Variants in JAK2 observed in about 807,000 individuals in gnomAD.
JAK2 encodes the protein Janus kinase 2.
A neutral mutation model predicts 139.3 loss-of-function variants in JAK2; 86 were observed. That is an observed-to-expected ratio of 0.62 (90% CI 0.52 to 0.74). The LOEUF (loss-of-function observed/expected upper bound fraction) is 0.74, where lower values mean the gene tolerates loss of function less well. Ranked by LOEUF, JAK2 falls within the 30% of genes least tolerant of loss-of-function variation. The probability of loss-of-function intolerance (pLI) is 0.00; values close to 1 mark genes in which losing one functional copy is unlikely to be tolerated. For missense variants in JAK2, 1,421 were observed against 1,360.3 expected (o/e 1.04, Z -0.70); for synonymous variants, 490 against 437.7 (o/e 1.12, Z -1.49).
At position 5,069,136 on chromosome 9, in the gene JAK2, T is replaced by C; in HGVS notation, c.1441T>C (p.Tyr481His). Residue 481 changes from tyrosine (Y) to histidine (H), a missense_variant, in exon 11 of 25, where the codon TAC (tyrosine) becomes CAC (histidine). Transcript: ENST00000381652. ...FSSLKDLLNC[Y>H]QMETVRSDNI... ...CAGTCTTAAAGATCTTTTGAATTGTTACCAGATGGAAACTGTTCGCTCAGA... is the reference window on the plus strand; with the variant it reads ...CAGTCTTAAAGATCTTTTGAATTGTCACCAGATGGAAACTGTTCGCTCAGA... 6.2e-7 allele frequency: 1 copy of C among 1,613,412 alleles called. No homozygotes were observed. Among genetic ancestry groups the C allele is most frequent in the Non-Finnish European group, 8.5e-7 (1 of 1,179,538 alleles).
At chr9:5,041,339 G>C (rs1266203071) in intron 4 of JAK2, 2 of 668,020 alleles carry the variant, frequency 3.0e-6, no homozygotes, top group African/African-American at 3.6e-5. Context: ...GAGCTTGACA[G>C]GTACGGCGTG....
At chr9:5,074,849 G>A (rs2130564651) in intron 14 of JAK2, among the ~76,000 whole-genome samples, 1 of 152,178 alleles carries the variant, frequency 6.6e-6, no homozygotes, top group South Asian at 2.1e-4. Context: ...AGAGAGGAAG[G>A]CATGCTGAAA....
intron 22 of JAK2, among the ~76,000 whole-genome samples, chr9:5,101,288 C>T (rs1162535306): frequency 1.3e-5 from 2 of 152,226 alleles, no homozygotes; most frequent in Non-Finnish European, 2.9e-5. Flanking sequence ...GCTAGCACAG[C>T]AGCCTAAGAT....
intron 5 of JAK2, among the ~76,000 whole-genome samples, chr9:5,048,340 A>G (rs1386384970): frequency 6.6e-6 from 1 of 151,890 alleles, no homozygotes; most frequent in Non-Finnish European, 1.5e-5. Flanking sequence ...ATGGGGTTTC[A>G]CTATGTTGGC....
chr9:5,110,766 T>C, intron 22 of JAK2: 1 of 388,370 alleles, frequency 2.6e-6, no homozygotes, highest in Non-Finnish European at 5.0e-6. Flanking sequence ...GGACTGGCCA[T>C]GCAGGAGTGG....
intron 22 of JAK2, among the ~76,000 whole-genome samples, chr9:5,092,843 T>C (rs1820692405): frequency 6.6e-6 from 1 of 152,148 alleles, no homozygotes; most frequent in African/African-American, 2.4e-5. Flanking sequence ...AGCTTTAAAC[T>C]TACCCACAGA....
intron 8 of JAK2, among the ~76,000 whole-genome samples, chr9:5,064,329 A>AG (rs770134191): frequency 7.2e-5 from 11 of 152,198 alleles, no homozygotes; most frequent in African/African-American, 1.2e-4. Context: ...CAGGAGTTGG[A>AG]GACCAGCCTG....
intron 4 of JAK2, among the ~76,000 whole-genome samples, chr9:5,035,399 C>A (rs1378176291): frequency 6.6e-6 from 1 of 152,174 alleles, no homozygotes; most frequent in Non-Finnish European, 1.5e-5. Flanking sequence ...CAGCATCATC[C>A]TGATACCAAA....
chr9:5,019,788 T>TG (rs1822295569), intron 2 of JAK2, among the ~76,000 whole-genome samples: 1 of 151,980 alleles, frequency 6.6e-6, no homozygotes, highest in Non-Finnish European at 1.5e-5. Flanking sequence ...CTCTGTAAGA[T>TG]TTTTTTTCCT....
chr9:5,105,488 C>T (rs1193913170), intron 22 of JAK2, among the ~76,000 whole-genome samples: 4 of 152,130 alleles, frequency 2.6e-5, no homozygotes, highest in Non-Finnish European at 4.4e-5. Flanking sequence ...GGCGATACTG[C>T]CCAAAGTAAT....
At chr9:5,115,956 AGTTGATGG>A (rs1438662569) in intron 22 of JAK2, among the ~76,000 whole-genome samples, 64 of 152,266 alleles carry the variant, frequency 4.2e-4, no homozygotes, top group Non-Finnish European at 5.1e-4. Context: ...TACCTAATGT[AGTTGATGG>A]GTTGATGGGT....
chr9:5,099,861 G>A (rs1056674320), intron 22 of JAK2: 1 of 152,078 alleles, frequency 6.6e-6, no homozygotes, highest in Non-Finnish European at 1.5e-5. Flanking sequence ...CAATAAACCT[G>A]GGTATAGCAA....
chr9:5,008,049 C>T (rs1381050893), intron 2 of JAK2, among the ~76,000 whole-genome samples: 1 of 152,124 alleles, frequency 6.6e-6, no homozygotes, highest in Non-Finnish European at 1.5e-5. Flanking sequence ...GAATTCTTAT[C>T]AAACTGTTTA....
rs141017338 is a variant in JAK2, at chr9:5,126,825, T to C, written c.*34T>C. The stretch of plus-strand genomic sequence containing the variant: ...ACCTTCATTCTGAGACCAAAGTAGA[T>C]TTACAGAACAAAGTTTTATATTTCA... On this transcript the variant is annotated 3_prime_UTR_variant, in exon 25 of 25. Coordinates refer to ENST00000381652, the MANE Select transcript of JAK2 (RefSeq NM_004972.4). 2.9e-5 allele frequency: 38 copies of C among 1,330,574 alleles called. No homozygotes were observed. The East Asian group carries it at 8.5e-4, about 30-fold the overall frequency. The allele number at this position is 1,330,574 out of a possible 1,614,324, so 82.4% of individuals were successfully genotyped here. A position where few individuals can be genotyped will look rare whatever the true frequency, so the allele number is the denominator to read the frequency against.
intron 22 of JAK2, chr9:5,110,837 A>T: frequency 2.2e-6 from 1 of 455,774 alleles, no homozygotes; most frequent in South Asian, 1.8e-5. Flanking sequence ...TTGTTCGGGG[A>T]AGGTGGGGGG....
chr9:5,115,414 G>A (rs1823061028), intron 22 of JAK2, among the ~76,000 whole-genome samples: 1 of 152,204 alleles, frequency 6.6e-6, no homozygotes. Flanking sequence ...GGCAACAACA[G>A]ATGCTGAAGA....
intron 22 of JAK2, chr9:5,100,305 G>C (rs1029388851): frequency 6.6e-6 from 1 of 152,106 alleles, no homozygotes; most frequent in Non-Finnish European, 1.5e-5. Context: ...AGCTCTCTCA[G>C]CTCTACTAAT....
intron 4 of JAK2, among the ~76,000 whole-genome samples, chr9:5,033,198 A>C (rs1823301419): frequency 1.3e-5 from 2 of 152,188 alleles, no homozygotes; most frequent in Non-Finnish European, 2.9e-5. Flanking sequence ...TTTAGAGAAA[A>C]AGGAATAAAA....
chr9:5,050,816 T>C lies in JAK2; in HGVS notation c.599T>C (p.Ile200Thr), dbSNP rs376697477. 2.4e-5 allele frequency: 39 copies of C among 1,613,234 alleles called. No homozygotes were observed. Among genetic ancestry groups the C allele is most frequent in the Non-Finnish European group, 3.2e-5 (38 of 1,179,486 alleles). ...AKENDQTPLA[I>T]YNSISYKTFL... ...GAAAACGATCAAACCCCACTGGCCA[T>C]CTATAACTCTATCAGGTAATTTTCT... The change falls in exon 6 of 25, where the codon ATC (isoleucine) becomes ACC (threonine). Residue 200 changes from isoleucine (I) to threonine (T), a missense_variant. Coordinates refer to ENST00000381652, the MANE Select transcript of JAK2 (RefSeq NM_004972.4).
Sources: allele counts gnomAD v4.1 joint callset (sites outside exome capture counted in the v4.1 genomes callset), GRCh38; gene constraint gnomAD v4.1.1; transcripts MANE v1.5; gene names NCBI Gene and HGNC (gene_info 2026-07-23, HGNC 2026-07-21).